Variants in STAB2 observed in about 807,000 individuals in gnomAD.
STAB2 encodes stabilin 2.
STAB2 carries 288 observed loss-of-function variants against 338.1 expected under a neutral mutation model. The observed-to-expected ratio is 0.85, with a 90% CI of 0.77 to 0.94. The LOEUF is 0.94. Among genes scored for constraint, STAB2 ranks in the 40% least tolerant of loss-of-function variants. The pLI, the probability that STAB2 is intolerant of heterozygous loss-of-function variation, is 0.00. For synonymous variants in STAB2, 1,202 were observed against 1,193.3 expected (o/e 1.01, Z -0.15); for missense variants, 3,141 against 3,210.1 (o/e 0.98, Z 0.52).
rs1220589598 is a variant in STAB2, at chr12:103,728,880, C to T, written c.4967C>T (p.Pro1656Leu). The T allele has an allele frequency of 3.7e-6, 6 of 1,613,966 alleles. No homozygotes were observed. The South Asian group carries it at 6.6e-5, about 18-fold the overall frequency. ...GACTGGGACAAATACGGTTTAATGC[C>T]CCAGGTTCTTCGGTACCATGTGGTC... ...VKDWDKYGLMPQVLRYHVVAC... is the reference protein window; with the variant it reads ...VKDWDKYGLMLQVLRYHVVAC... Residue 1656 changes from proline to leucine, a missense_variant, in exon 48 of 69, where the codon CCC becomes CTC. Pro to Leu is a moderately conservative substitution (Grantham distance 98). Transcript: ENST00000388887.
At position 103,755,536 on chromosome 12, in the gene STAB2, C is replaced by A; in HGVS notation, c.6880+69C>A. 1.9e-6 allele frequency: 3 copies of A among 1,608,146 alleles called. No individual in the cohort carries two copies. The South Asian group carries it at 3.3e-5, about 18-fold the overall frequency. On this transcript the variant is annotated intron_variant, in intron 62 of 68. Coordinates refer to ENST00000388887, the MANE Select transcript of STAB2 (RefSeq NM_017564.10). Reference sequence around the variant, plus strand: ...CTGAGCAATCCTCAGCCTGGCCAGTCACTCCCCAAGCAGAAGCAGTGCAGC... The same window carrying A: ...CTGAGCAATCCTCAGCCTGGCCAGTAACTCCCCAAGCAGAAGCAGTGCAGC...
chr12:103,627,241 A>G (rs1957394793), intron 5 of STAB2, among the ~76,000 whole-genome samples: 1 of 152,176 alleles, frequency 6.6e-6, no homozygotes, highest in African/African-American at 2.4e-5. Flanking sequence ...TCCATCATAC[A>G]TTACACACCA....
rs1199972934 is a variant in STAB2 at position 103,674,059 on chromosome 12, A to C, written c.2524A>C (p.Thr842Pro). 1.9e-6 allele frequency: 3 copies of C among 1,612,676 alleles called. No individual in the cohort carries two copies. Among genetic ancestry groups the C allele is most frequent in the African/African-American group, 2.7e-5 (2 of 74,900 alleles). ...PYVQFCHIHA[T>P]CEYSNGTASC... ...CGTGCAGTTCTGTCACATCCACGCC[A>C]CCTGTGAATACAGCAATGGGACAGC... is the stretch of plus-strand genomic sequence containing the variant. Residue 842 changes from threonine to proline, a missense_variant, in exon 23 of 69, where the codon ACC becomes CCC. By Grantham distance (38) the Thr-to-Pro change is conservative. Coordinates refer to ENST00000388887, the MANE Select transcript of STAB2 (RefSeq NM_017564.10).
At chr12:103,615,247 A>G (rs1957191253) in intron 3 of STAB2, among the ~76,000 whole-genome samples, 1 of 152,028 alleles carries the variant, frequency 6.6e-6, no homozygotes, top group East Asian at 1.9e-4. Context: ...GATACAAGAG[A>G]TTACTTAGAG....
intron 47 of STAB2, 101 bp from the exon 48 acceptor site, chr12:103,728,748 C>T (rs928379678): frequency 1.0e-5 from 15 of 1,466,148 alleles, no homozygotes; most frequent in Non-Finnish European, 1.4e-5. Flanking sequence ...CTGGGTGGGC[C>T]GAGAGGTGTG....
At chr12:103,619,105 T>G (rs1035309610) in intron 3 of STAB2, among the ~76,000 whole-genome samples, 11 of 152,246 alleles carry the variant, frequency 7.2e-5, no homozygotes, top group African/African-American at 2.4e-4. Flanking sequence ...CTCTTTCCTT[T>G]TTAAATTACC....
intron 38 of STAB2, among the ~76,000 whole-genome samples, chr12:103,708,233 T>C (rs1272337266): frequency 2.6e-5 from 4 of 152,212 alleles, no homozygotes; most frequent in Non-Finnish European, 5.9e-5. Flanking sequence ...AGCCACTTCA[T>C]TGAAGCTAGA....
At chr12:103,627,369 G>A (rs1304079422) in intron 5 of STAB2, among the ~76,000 whole-genome samples, 2 of 152,216 alleles carry the variant, frequency 1.3e-5, no homozygotes, top group African/African-American at 4.8e-5. Flanking sequence ...TCCTATGGGA[G>A]CACAGGAGAG....
At chr12:103,731,724 G>A in intron 50 of STAB2, 89 bp downstream of exon 50, 2 of 1,371,688 alleles carry the variant, frequency 1.5e-6, no homozygotes, top group Non-Finnish European at 2.0e-6. Flanking sequence ...GTTTTGTTTT[G>A]ACATTGGCCA....
intron 64 of STAB2, 131 bp downstream of exon 64, chr12:103,758,420 G>A (rs575491680): frequency 2.1e-6 from 3 of 1,454,176 alleles, no homozygotes; most frequent in South Asian, 1.3e-5. Context: ...CTGCAGATCA[G>A]TTGGCCACTC....
At chr12:103,618,254 A>C (rs1017711002) in intron 3 of STAB2, among the ~76,000 whole-genome samples, 6 of 152,154 alleles carry the variant, frequency 3.9e-5, no homozygotes, top group Non-Finnish European at 7.3e-5. Context: ...GGATGGGATT[A>C]GTGCCCTCAT....
chr12:103,763,130 A>G (rs111353587), intron 67 of STAB2, among the ~76,000 whole-genome samples: 3,021 of 152,286 alleles, frequency 0.02, 104 homozygotes, highest in African/African-American at 0.068. Flanking sequence ...AGGCTGTATG[A>G]CTGCATTTAT....
chr12:103,598,772 C>A (rs1473328247), intron 3 of STAB2, among the ~76,000 whole-genome samples: 1 of 152,170 alleles, frequency 6.6e-6, no homozygotes, highest in Non-Finnish European at 1.5e-5. Flanking sequence ...TTCCTTCCAG[C>A]GTTGGCCAGC....
At chr12:103,649,522 G>A (rs1338240837) in intron 10 of STAB2, among the ~76,000 whole-genome samples, 2 of 152,104 alleles carry the variant, frequency 1.3e-5, no homozygotes, top group Non-Finnish European at 2.9e-5. Context: ...GTAAAACACA[G>A]ACTTGGCCAA....
Position 103,758,186 on chromosome 12 carries a change from C to T in STAB2, c.7004C>T (p.Ser2335Phe). ...TCTCCCCAGGAAGTGCTGGCCTATT[C>T]CAACAGCTCAGCTCGAGGCCGTGCA... ...TNFLTEVLAY[S>F]NSSARGRAFL... Residue 2335 changes from serine (S) to phenylalanine (F), a missense_variant, in exon 64 of 69, where the codon TCC (serine) becomes TTC (phenylalanine). By Grantham distance (155) the Ser-to-Phe change is radical. Coordinates refer to ENST00000388887, the MANE Select transcript of STAB2 (RefSeq NM_017564.10). The T allele has an allele frequency of 6.2e-7, 1 of 1,614,136 alleles. No homozygotes were observed. Among genetic ancestry groups the T allele is most frequent in the Admixed American group, 1.7e-5 (1 of 60,020 alleles).
chr12:103,684,848 A>C, intron 26 of STAB2, 141 bp from the exon 27 acceptor site: 1 of 606,722 alleles, frequency 1.6e-6, no homozygotes. Flanking sequence ...TGCAACACTA[A>C]AGGGTCTATG....
intron 27 of STAB2, among the ~76,000 whole-genome samples, chr12:103,685,333 T>A (rs1877298193): frequency 6.6e-6 from 1 of 152,152 alleles, no homozygotes; most frequent in African/African-American, 2.4e-5. Context: ...TCTACCTGTT[T>A]CCATTCTCAG....
At chr12:103,597,333 C>T (rs909170639) in intron 3 of STAB2, among the ~76,000 whole-genome samples, 10 of 152,220 alleles carry the variant, frequency 6.6e-5, no homozygotes, top group Non-Finnish European at 1.3e-4. Flanking sequence ...CATTCCCAAG[C>T]TCCAGAATGG....
intron 3 of STAB2, among the ~76,000 whole-genome samples, chr12:103,609,037 A>G (rs11503458): frequency 2.6e-5 from 4 of 151,984 alleles, no homozygotes; most frequent in Admixed American, 6.5e-5. Context: ...TTCTGTTCCA[A>G]TGGTCTATAT....
Sources: gnomAD v4.1 joint callset for allele counts (sites outside exome capture counted in the v4.1 genomes callset) on GRCh38, gnomAD v4.1.1 for gene constraint, MANE v1.5 for transcripts, NCBI Gene and HGNC (gene_info 2026-07-23, HGNC 2026-07-21) for gene names.